Variants in EPG5 observed in about 807,000 individuals in gnomAD.
EPG5 encodes ectopic P granules protein 5 homolog.
Under a neutral mutation model 302.7 loss-of-function variants are expected in EPG5, and 159 were observed. The observed-to-expected ratio is 0.53, with a 90% CI of 0.46 to 0.60. The LOEUF is 0.60. EPG5 is among the 20% of genes least tolerant of loss of function. EPG5 has a pLI of 0.00. For missense variants in EPG5, 2,896 were observed against 3,092.4 expected (o/e 0.94, Z 1.51); for synonymous variants, 1,158 against 1,136.8 (o/e 1.02, Z -0.37).
At chr18:45,857,592 T>C (rs2048541849) in intron 42 of EPG5, 1 of 395,792 alleles carries the variant, frequency 2.5e-6, no homozygotes, top group Non-Finnish European at 4.6e-6. Context: ...GGTTACAAAG[T>C]CCAAACACAA....
chr18:45,962,456 T>C (rs1599664324), intron 1 of EPG5, among the ~76,000 whole-genome samples: 1 of 152,346 alleles, frequency 6.6e-6, no homozygotes, highest in African/African-American at 2.4e-5. Context: ...AAGAATCTAC[T>C]GTACTTATAA....
At chr18:45,838,800 G>A in the EPG5 span, 2 of 1,558,988 alleles carry the variant, frequency 1.3e-6, no homozygotes, top group African/African-American at 1.4e-5. Context: ...AAGGGGAGCC[G>A]CCGCCCGCCC....
rs1479532502 is a variant in EPG5, at chr18:45,921,963, T to TGAA, written c.3098+377_3098+378insTTC. On this transcript the variant is annotated intron_variant, in intron 16 of 43. Transcript: ENST00000282041. Reference sequence around the variant, plus strand: ...GTACCCTAGAACTTAAAGTAAAATTTAAAAAAAAAAAAAAAAAAGCCTGAG... The same window carrying TGAA: ...GTACCCTAGAACTTAAAGTAAAATTTGAAAAAAAAAAAAAAAAAAAAGCCTGAG... 3.1e-3 allele frequency among the ~76,000 whole-genome samples: 349 copies of TGAA among 113,010 alleles called. 2 individuals are homozygous for TGAA. The highest frequency in any genetic ancestry group is 0.011 in the African/African-American group (334 of 31,064). 74.1% of individuals were successfully genotyped at this position (113,010 alleles called of 152,430 possible).
the EPG5 span, among the ~76,000 whole-genome samples, chr18:45,830,583 CTTTTTT>C: frequency 1.0e-5 from 1 of 96,702 alleles, no homozygotes. Context: ...ATTTTTCTTT[CTTTTTT>C]TTTTTTTTTT....
the EPG5 span, among the ~76,000 whole-genome samples, chr18:45,841,430 T>C: frequency 6.6e-6 from 1 of 151,822 alleles, no homozygotes; most frequent in Non-Finnish European, 1.5e-5. Flanking sequence ...GGCGTGGGGG[T>C]TATTGTGGGT....
In EPG5 at chr18:45,907,999, A is replaced by G; in HGVS notation, c.4288T>C (p.Tyr1430His). The change falls in exon 24 of 44, where the codon TAT becomes CAT. Residue 1430 changes from tyrosine to histidine, a missense_variant. By Grantham distance (83) the Tyr-to-His change is moderately conservative. Around this residue, in one of 5 missense-constraint regions of EPG5, gnomAD observed 790 missense variants for 798.0 expected, o/e 0.99. Transcript: ENST00000282041. Reference protein sequence around the residue: ...DTYIPSLPKHYDIHRLAKVMQ... With the variant: ...DTYIPSLPKHHDIHRLAKVMQ... ...ACTTTTGCTAGCCTGTGAATATCATAATGCTTTGGTAGAGAAGGGATATAG... is the reference window on the plus strand; with the variant it reads ...ACTTTTGCTAGCCTGTGAATATCATGATGCTTTGGTAGAGAAGGGATATAG... 1 of 1,598,678 alleles carries G rather than the reference A, an allele frequency of 6.3e-7. No homozygotes were observed. Among genetic ancestry groups the G allele is most frequent in the Non-Finnish European group, 8.5e-7 (1 of 1,175,678 alleles).
chr18:45,937,644 T>C (rs985907078), intron 10 of EPG5, among the ~76,000 whole-genome samples: 3 of 152,018 alleles, frequency 2.0e-5, no homozygotes, highest in Admixed American at 1.3e-4. Context: ...TGACCTCAGG[T>C]GATCCGCCCA....
Position 45,849,344 on chromosome 18 carries a change from G to A in EPG5, c.*3123C>T, listed in dbSNP as rs1470162779. The A allele has an allele frequency of 1.3e-5, 2 of 152,252 alleles. No homozygotes were observed. Among genetic ancestry groups the A allele is most frequent in the African/African-American group, 4.8e-5 (2 of 41,440 alleles). 9.4% of individuals were successfully genotyped at this position (152,252 alleles called of 1,614,324 possible). ...GGCAGCCTAGGCCTGCCCATCACAGGCTGGACCACCAGGCACTGGACAGGG... is the reference window on the plus strand; with the variant it reads ...GGCAGCCTAGGCCTGCCCATCACAGACTGGACCACCAGGCACTGGACAGGG... On this transcript the variant is annotated 3_prime_UTR_variant, in exon 44 of 44. Coordinates refer to ENST00000282041, the MANE Select transcript of EPG5 (RefSeq NM_020964.3).
intron 23 of EPG5, among the ~76,000 whole-genome samples, chr18:45,909,954 T>C (rs893286681): frequency 2.0e-5 from 3 of 152,078 alleles, no homozygotes; most frequent in African/African-American, 4.8e-5. Context: ...CTGGGCAACA[T>C]AGTGAGACAC....
chr18:45,934,951 C>G lies in EPG5; in HGVS notation c.2115G>C (p.Leu705=). The change falls in exon 11 of 44, where the codon CTG becomes CTC. Residue 705 remains leucine, a synonymous_variant. Transcript: ENST00000282041. ...VLKAKRLGIW[L]FMSEMPFGTL... ...TCCCAAAGGGCATCTCGGACATAAA[C>G]AGCCAAATGCCAAGTCTGCATGTAA... 2 of 1,611,184 alleles carry G rather than the reference C, an allele frequency of 1.2e-6. No individual in the cohort carries two copies. The highest frequency in any genetic ancestry group is 1.1e-5 in the South Asian group (1 of 90,376).
Position 45,944,056 on chromosome 18 carries a change from G to C in EPG5, c.1741C>G (p.Gln581Glu). Residue 581 changes from glutamine (Q) to glutamate (E), a missense_variant, in exon 8 of 44, where the codon CAG becomes GAG. Physicochemically the swap from Gln to Glu is conservative, Grantham distance 29. Transcript: ENST00000282041. The stretch of plus-strand genomic sequence containing the variant: ...TGAAAGAGTTCATGAAAGGGGAACT[G>C]TGCTAAAATGGTAACCAAATCATCT... ...NEDDLVTILA[Q>E]FPFHELFQHL... 1.2e-6 allele frequency: 2 copies of C among 1,614,036 alleles called. No homozygotes were observed. Among genetic ancestry groups the C allele is most frequent in the East Asian group, 2.2e-5 (1 of 44,878 alleles).
chr18:45,845,763 A>G (rs1409790864), downstream of EPG5, among the ~76,000 whole-genome samples: 1 of 152,232 alleles, frequency 6.6e-6, no homozygotes, highest in Non-Finnish European at 1.5e-5. Context: ...TGCGGCCTGC[A>G]GGCTTTGCTC....
intron 29 of EPG5, among the ~76,000 whole-genome samples, 184 bp downstream of exon 29, chr18:45,887,567 G>A (rs559712949): frequency 5.9e-5 from 9 of 152,142 alleles, no homozygotes; most frequent in Non-Finnish European, 8.8e-5. Context: ...TGTATGAGAA[G>A]CAAAATTCTA....
chr18:45,869,047 T>A (rs570183293), intron 36 of EPG5, among the ~76,000 whole-genome samples: 83 of 140,536 alleles, frequency 5.9e-4, no homozygotes, highest in African/African-American at 2.1e-3. Context: ...AGAGCAAGAC[T>A]CCGTCTCAAA....
chr18:45,913,854 G>C, intron 20 of EPG5, 26 bp from the exon 21 acceptor site: 1 of 1,609,524 alleles, frequency 6.2e-7, no homozygotes, highest in Non-Finnish European at 8.5e-7. Context: ...ATAAAGGGGA[G>C]GGGAAGGAGG....
the EPG5 span, chr18:45,838,028 C>G: frequency 8.5e-7 from 1 of 1,174,492 alleles, no homozygotes; most frequent in Non-Finnish European, 1.1e-6. Context: ...CTCCTCTACC[C>G]CAGGGATCTC....
At chr18:45,857,782 CACAACCTGTAAGTAGG>C in intron 42 of EPG5, 55 bp downstream of exon 42, 1 of 1,259,390 alleles carries the variant, frequency 7.9e-7, no homozygotes, top group Non-Finnish European at 1.2e-6. Context: ...TGAAGTATAT[CACAACCTGTAAGTAGG>C]TACAGATGTC....
intron 2 of EPG5, chr18:45,953,783 A>C: frequency 1.0e-6 from 1 of 985,322 alleles, no homozygotes; most frequent in Non-Finnish European, 1.2e-6. Flanking sequence ...TGGAGCTAGG[A>C]ATCAGTTACT....
At chr18:45,825,552 G>A in the EPG5 span, 1 of 623,782 alleles carries the variant, frequency 1.6e-6, no homozygotes, top group South Asian at 1.9e-5. Context: ...TCAGACCTCA[G>A]GCTGCCAGGC....
Sources: gnomAD v4.1 joint callset for allele counts (sites outside exome capture counted in the v4.1 genomes callset) on GRCh38, gnomAD v4.1.1 for gene constraint, gnomAD v4.1.1 regional missense constraint, MANE v1.5 for transcripts, NCBI Gene and HGNC (gene_info 2026-07-23, HGNC 2026-07-21) for gene names.